Variants in CADPS observed in about 807,000 individuals in gnomAD.
CADPS encodes the protein calcium dependent secretion activator, also known as calcium-dependent secretion activator 1.
CADPS carries 57 observed loss-of-function variants against 167.3 expected under a neutral mutation model. The observed-to-expected ratio is 0.34, with a 90% CI of 0.28 to 0.42. The LOEUF (loss-of-function observed/expected upper bound fraction) is 0.42. CADPS is among the 20% of genes least tolerant of loss of function. CADPS has a pLI of 1.00. For synonymous variants in CADPS, 676 were observed against 635.3 expected (o/e 1.06, Z -0.96); for missense variants, 1,414 against 1,738.1 (o/e 0.81, Z 3.32).
chr3:62,861,252 G>T (rs533600185), intron 1 of CADPS, among the ~76,000 whole-genome samples: 6 of 152,152 alleles, frequency 3.9e-5, no homozygotes, highest in Non-Finnish European at 4.4e-5. Flanking sequence ...TTATGCAGAA[G>T]AGTTTTTGCA....
chr3:62,850,126 C>G (rs573717795), intron 1 of CADPS, among the ~76,000 whole-genome samples: 5 of 115,856 alleles, frequency 4.3e-5, no homozygotes, highest in Admixed American at 4.3e-4. Flanking sequence ...TGGTGGTATC[C>G]CCTTTATCAT....
intron 1 of CADPS, among the ~76,000 whole-genome samples, chr3:62,871,560 T>C (rs2082636280): frequency 6.6e-6 from 1 of 152,166 alleles, no homozygotes; most frequent in Non-Finnish European, 1.5e-5. Flanking sequence ...ATCAGAATGT[T>C]TCACACTTCA....
intron 3 of CADPS, among the ~76,000 whole-genome samples, chr3:62,695,202 T>C (rs1171052215): frequency 6.6e-6 from 1 of 152,072 alleles, no homozygotes; most frequent in East Asian, 1.9e-4. Flanking sequence ...GATTTTGGGA[T>C]TAGGGAAAGA....
chr3:62,856,944 T>A (rs937923347), intron 1 of CADPS, among the ~76,000 whole-genome samples: 1 of 151,728 alleles, frequency 6.6e-6, no homozygotes. Context: ...AGGTCTTTCA[T>A]TGCATGAAAC....
chr3:62,742,136 A>C (rs960396296), intron 3 of CADPS, among the ~76,000 whole-genome samples: 4 of 152,346 alleles, frequency 2.6e-5, no homozygotes, highest in South Asian at 4.1e-4. Flanking sequence ...TGACACAAAC[A>C]AATGGAAAAA....
intron 3 of CADPS, among the ~76,000 whole-genome samples, chr3:62,730,043 C>A (rs2077472707): frequency 6.6e-6 from 1 of 151,914 alleles, no homozygotes; most frequent in Admixed American, 6.5e-5. Context: ...ATATTGGATA[C>A]ATTGGCTGCT....
intron 11 of CADPS, among the ~76,000 whole-genome samples, chr3:62,546,105 C>A (rs2076408358): frequency 1.3e-5 from 2 of 151,612 alleles, no homozygotes; most frequent in East Asian, 1.9e-4. Flanking sequence ...GTCAAGGAAA[C>A]CTTTTTAAAA....
intron 1 of CADPS, among the ~76,000 whole-genome samples, chr3:62,781,987 A>G (rs1474719587): frequency 6.6e-6 from 1 of 152,176 alleles, no homozygotes; most frequent in African/African-American, 2.4e-5. Context: ...CTAAATATCA[A>G]TTTCTAGTCA....
chr3:62,861,346 T>G (rs1482773702), intron 1 of CADPS, among the ~76,000 whole-genome samples: 1 of 152,024 alleles, frequency 6.6e-6, no homozygotes, highest in Non-Finnish European at 1.5e-5. Context: ...TTTTAGAATT[T>G]GTAAAAAAAA....
chr3:62,680,061 A>C (rs2076912461), intron 3 of CADPS, among the ~76,000 whole-genome samples: 1 of 152,038 alleles, frequency 6.6e-6, no homozygotes, highest in South Asian at 2.1e-4. Context: ...ACTAAAGGTT[A>C]CTTAGGAAGG....
Position 62,740,523 on chromosome 3 carries a change from A to T in CADPS, c.888+12918T>A, listed in dbSNP as rs761403058. ...CTTTGGTCTATAATTGGGTAAAAGA[A>T]GATACCAGACATCTCAGATCATCTC... On this transcript the variant is annotated intron_variant, in intron 3 of 29. Coordinates refer to ENST00000383710, the MANE Select transcript of CADPS (RefSeq NM_003716.4). Among the ~76,000 whole-genome samples, 180 of 152,348 alleles carry T rather than the reference A, an allele frequency of 1.2e-3. 1 individual carries two copies. The highest frequency in any genetic ancestry group is 7.3e-4 in the Non-Finnish European group (50 of 68,036).
intron 3 of CADPS, among the ~76,000 whole-genome samples, chr3:62,718,715 C>G (rs1405223826): frequency 6.6e-6 from 1 of 152,232 alleles, no homozygotes; most frequent in African/African-American, 2.4e-5. Flanking sequence ...TTCTGAAAGA[C>G]AGAGTGCAAC....
chr3:62,420,321 A>G lies in CADPS; in HGVS notation c.3778-17136T>C, dbSNP rs2051023447. 6.6e-6 allele frequency among the ~76,000 whole-genome samples: 1 copy of G among 152,248 alleles called. No individual in the cohort carries two copies. The highest frequency in any genetic ancestry group is 2.4e-5 in the African/African-American group (1 of 41,472). ...CTAGATCTATTTCAATTCAATGAAC[A>G]TGAGCTCTTTGGGGAATGATTTCTC... On this transcript the variant is annotated intron_variant, in intron 28 of 29. Coordinates refer to ENST00000383710, the MANE Select transcript of CADPS (RefSeq NM_003716.4). The surrounding 1 kb of genome is among the most constrained non-coding windows in gnomAD (Gnocchi z 4.1).
chr3:62,754,262 T>A (rs1425594192), intron 2 of CADPS, among the ~76,000 whole-genome samples: 1 of 152,150 alleles, frequency 6.6e-6, no homozygotes. Flanking sequence ...AACCTCCACC[T>A]CCCAGGCTCA....
At chr3:62,819,411 T>TGC (rs2094789939) in intron 1 of CADPS, among the ~76,000 whole-genome samples, 1 of 73,098 alleles carries the variant, frequency 1.4e-5, no homozygotes, top group Admixed American at 1.3e-4. Context: ...TGTGTGCGTG[T>TGC]GTGTGTGTGT....
At chr3:62,539,934 G>T (rs1263680018) in intron 11 of CADPS, among the ~76,000 whole-genome samples, 1 of 152,064 alleles carries the variant, frequency 6.6e-6, no homozygotes, top group Non-Finnish European at 1.5e-5. Flanking sequence ...TAATGCCTCT[G>T]GGCCTCCTTG....
intron 11 of CADPS, among the ~76,000 whole-genome samples, chr3:62,547,584 A>ACCC (rs2076662320): frequency 7.9e-5 from 4 of 50,800 alleles, no homozygotes; most frequent in Non-Finnish European, 1.1e-4. Context: ...GATATCATTT[A>ACCC]CGCCCCCCCC....
At position 62,846,226 on chromosome 3, in the gene CADPS, G is replaced by A. The variant is rs144922124; in HGVS notation, c.441+28363C>T. On this transcript the variant is annotated intron_variant, in intron 1 of 29. Coordinates refer to ENST00000383710, the MANE Select transcript of CADPS (RefSeq NM_003716.4). ...GCCTCTTTTAAAAATAAATTACCCA[G>A]TCTCAGGTAGTTATTTATAGCAGTG... Among the ~76,000 whole-genome samples, 21 of 152,188 alleles carry A rather than the reference G, an allele frequency of 1.4e-4. No individual in the cohort carries two copies. In the East Asian group the frequency reaches 4.1e-3, roughly 29 times the overall value.
At chr3:62,767,146 A>AT (rs1236957876) in intron 1 of CADPS, among the ~76,000 whole-genome samples, 2 of 152,146 alleles carry the variant, frequency 1.3e-5, no homozygotes, top group African/African-American at 4.8e-5. Flanking sequence ...AAAAAGTTAA[A>AT]TTTTTGTGAA....
Sources: gnomAD v4.1 joint callset for allele counts (sites outside exome capture counted in the v4.1 genomes callset) on GRCh38, gnomAD v4.1.1 for gene constraint, Gnocchi (gnomAD v3.1) non-coding constraint, MANE v1.5 for transcripts, NCBI Gene and HGNC (gene_info 2026-07-23, HGNC 2026-07-21) for gene names.